The following RP1 variants were observed in gnomAD, a reference collection of about 807,000 sequenced individuals.
RP1 encodes RP1 axonemal microtubule associated.
RP1 carries 16 observed loss-of-function variants against 14.8 expected under a neutral mutation model. The ratio of observed to expected loss-of-function variants is 1.08; its 90% confidence interval spans 0.73 to 1.65. The LOEUF is 1.65. RP1 is among the 40% of genes most tolerant of loss of function. The pLI, the probability that RP1 is intolerant of heterozygous loss-of-function variation, is 0.00. For synonymous variants in RP1, 876 were observed against 883.6 expected, an observed-to-expected ratio of 0.99 and a Z score of 0.15; for missense variants, 2,631 against 2,535.0, an observed-to-expected ratio of 1.04 and a Z score of -0.81.
intron 3 of RP1, among the ~76,000 whole-genome samples, chr8:54,637,392 C>T (rs944149662): frequency 2.0e-5 from 3 of 152,170 alleles, no homozygotes; most frequent in Non-Finnish European, 4.4e-5. Context: ...GCAGGCTATC[C>T]AGCATAGAAG....
At chr8:54,584,924 A>C (rs1265759330) in intron 1 of RP1, among the ~76,000 whole-genome samples, 5 of 152,196 alleles carry the variant, frequency 3.3e-5, no homozygotes, top group African/African-American at 9.7e-5. Flanking sequence ...TCCTGAATAC[A>C]GCAAACTGAT....
chr8:54,738,440 C>T (rs962291134), intron 18 of RP1, among the ~76,000 whole-genome samples: 6 of 152,114 alleles, frequency 3.9e-5, no homozygotes, highest in Admixed American at 6.6e-5. Context: ...CTTCCTTGAA[C>T]GTAGAACATC....
Position 54,674,499 on chromosome 8 carries a change from G to A in RP1, c.1402+571G>A, listed in dbSNP as rs116121369. ...CCATTTAACAAAAGACAGACTACTA[G>A]AGGACACATACCAAAAAAAAAAAAA... On this transcript the variant is annotated intron_variant, in intron 8 of 22. Transcript: ENST00000636932. 8.1e-3 allele frequency among the ~76,000 whole-genome samples: 1,060 copies of A among 131,622 alleles called. 19 individuals are homozygous for A. Among genetic ancestry groups the A allele is most frequent in the African/African-American group, 0.027 (1,005 of 36,546 alleles). 86.3% of individuals were successfully genotyped at this position (131,622 alleles called of 152,430 possible).
intron 1 of RP1, among the ~76,000 whole-genome samples, chr8:54,607,721 A>G (rs181365188): frequency 1.0e-3 from 152 of 152,054 alleles, no homozygotes; most frequent in African/African-American, 3.5e-3. Context: ...CACTTTGTTT[A>G]CCTACTCAAG....
At chr8:54,862,847 CT>C (rs1440926024) in intron 27 of RP1, among the ~76,000 whole-genome samples, 5 of 152,058 alleles carry the variant, frequency 3.3e-5, no homozygotes, top group African/African-American at 7.2e-5. Context: ...ATGTGGGCCT[CT>C]CGCATTGCAG....
At chr8:54,693,657 T>C (rs370578503) in intron 12 of RP1, among the ~76,000 whole-genome samples, 1 of 152,280 alleles carries the variant, frequency 6.6e-6, no homozygotes, top group South Asian at 2.1e-4. Flanking sequence ...GTGATTTTTG[T>C]ACATTGATTT....
At chr8:54,783,941 A>G (rs1281785062) in intron 24 of RP1, among the ~76,000 whole-genome samples, 1 of 152,178 alleles carries the variant, frequency 6.6e-6, no homozygotes, top group Non-Finnish European at 1.5e-5. Flanking sequence ...GCAAAAAACT[A>G]CATGCATTTT....
At chr8:54,598,795 C>T (rs1044664588) in intron 1 of RP1, among the ~76,000 whole-genome samples, 5 of 152,292 alleles carry the variant, frequency 3.3e-5, no homozygotes, top group South Asian at 4.1e-4. Context: ...CAATATCCTT[C>T]GGAGCTTCTT....
At chr8:54,687,961 C>T (rs201580228) in intron 12 of RP1, among the ~76,000 whole-genome samples, 1 of 152,052 alleles carries the variant, frequency 6.6e-6, no homozygotes, top group African/African-American at 2.4e-5. Flanking sequence ...CTCCACATCC[C>T]CTCCAGCATC....
chr8:54,741,699 ATGTGTG>A (rs370666848), intron 19 of RP1, among the ~76,000 whole-genome samples: 2 of 98,996 alleles, frequency 2.0e-5, no homozygotes, highest in African/African-American at 9.0e-5. Context: ...ATAAATACAA[ATGTGTG>A]TGTATATATA....
At chr8:54,828,703 T>C (rs949898327) in intron 24 of RP1, among the ~76,000 whole-genome samples, 1 of 152,068 alleles carries the variant, frequency 6.6e-6, no homozygotes, top group Non-Finnish European at 1.5e-5. Flanking sequence ...TAATTGTATG[T>C]GCTATACTTT....
intron 1 of RP1, among the ~76,000 whole-genome samples, chr8:54,611,006 T>C (rs1805577727): frequency 6.6e-6 from 1 of 152,228 alleles, no homozygotes; most frequent in African/African-American, 2.4e-5. Flanking sequence ...TTTTGCCAGA[T>C]ATAGAAGTCT....
At chr8:54,586,176 G>T (rs1332228627) in intron 1 of RP1, among the ~76,000 whole-genome samples, 4 of 152,164 alleles carry the variant, frequency 2.6e-5, no homozygotes, top group Non-Finnish European at 4.4e-5. Flanking sequence ...TGGGGTTTTG[G>T]TGTGGATGTC....
At chr8:54,622,452 G>A (rs558204863) in intron 3 of RP1, among the ~76,000 whole-genome samples, 164 bp downstream of exon 3, 21 of 152,252 alleles carry the variant, frequency 1.4e-4, no homozygotes, top group Admixed American at 1.2e-3. Context: ...TTTATAGTTG[G>A]AAAGAGTCAT....
intron 6 of RP1, among the ~76,000 whole-genome samples, chr8:54,659,873 A>G (rs1806846869): frequency 6.6e-6 from 1 of 151,914 alleles, no homozygotes; most frequent in South Asian, 2.1e-4. Context: ...CTTTCCATTT[A>G]TTTGTTTCTT....
At chr8:54,759,163 T>A in intron 22 of RP1, 1 of 1,334,862 alleles carries the variant, frequency 7.5e-7, no homozygotes, top group Non-Finnish European at 1.0e-6. Flanking sequence ...TGTGTGTGTG[T>A]GTGTGTGTGT....
intron 6 of RP1, among the ~76,000 whole-genome samples, chr8:54,659,293 C>T (rs1195440609): frequency 6.6e-6 from 1 of 152,102 alleles, no homozygotes. Flanking sequence ...CAAGAAATAA[C>T]TGCCAAATTT....
chr8:54,749,466 C>G (rs1206596385), intron 19 of RP1, among the ~76,000 whole-genome samples: 1 of 152,162 alleles, frequency 6.6e-6, no homozygotes, highest in Non-Finnish European at 1.5e-5. Context: ...GCCCTCACAA[C>G]CCCAAGTCTT....
rs757560816 is a variant in RP1 at position 54,627,823 on chromosome 8, C to T, written c.3941C>T (p.Ala1314Val). The T allele has an allele frequency of 6.2e-7, 1 of 1,614,126 alleles. No individual in the cohort carries two copies. The highest frequency in any genetic ancestry group is 1.7e-5 in the Admixed American group (1 of 60,016). Residue 1314 changes from alanine (A) to valine (V), a missense_variant, in exon 4 of 4, where the codon GCT becomes GTT. By Grantham distance (64) the Ala-to-Val change is moderately conservative (BLOSUM62 0). Coordinates refer to ENST00000220676, the MANE Select transcript of RP1 (RefSeq NM_006269.2). Reference sequence around the variant, plus strand: ...ACTGATACTGTGTTTTCTGATAAGGCTTGTGCTCAAAAGGAGAACCATACC... The same window carrying T: ...ACTGATACTGTGTTTTCTGATAAGGTTTGTGCTCAAAAGGAGAACCATACC... The part of the protein sequence containing the change: ...SLTDTVFSDK[A>V]CAQKENHTYE...
Sources: allele counts gnomAD v4.1 joint callset (sites outside exome capture counted in the v4.1 genomes callset), GRCh38; gene constraint gnomAD v4.1.1; transcripts MANE v1.5; gene names NCBI Gene and HGNC (gene_info 2026-07-23, HGNC 2026-07-21).